ST6GAL1: variants seen among roughly 807,000 people sequenced by gnomAD.
ST6GAL1 encodes the protein beta-galactoside alpha-2,6-sialyltransferase 1.
ST6GAL1 carries 20 observed loss-of-function variants against 38.0 expected under a neutral mutation model. The observed-to-expected ratio is 0.53, with a 90% CI of 0.37 to 0.77. The LOEUF (loss-of-function observed/expected upper bound fraction) is 0.77, where lower values mean the gene tolerates loss of function less well. ST6GAL1 is among the 30% of genes least tolerant of loss of function. ST6GAL1 has a pLI of 0.00. For missense variants in ST6GAL1, 432 were observed against 496.4 expected, an observed-to-expected ratio of 0.87 and a Z score of 1.23; for synonymous variants, 196 against 188.2, an observed-to-expected ratio of 1.04 and a Z score of -0.34.
At chr3:186,990,978 T>C (rs1360272998) in intron 2 of ST6GAL1, among the ~76,000 whole-genome samples, 2 of 151,536 alleles carry the variant, frequency 1.3e-5, no homozygotes, top group Non-Finnish European at 2.9e-5. Flanking sequence ...CTGGGCCGGG[T>C]TTCACAGTAT....
rs112136993 is a variant in ST6GAL1 at position 186,946,381 on chromosome 3, CTTA to C, written c.-325+15559_-325+15561del. 2.0e-3 allele frequency among the ~76,000 whole-genome samples: 309 copies of C among 151,374 alleles called. 1 individual carries two copies. Among genetic ancestry groups the C allele is most frequent in the African/African-American group, 6.8e-3 (279 of 41,192 alleles). On this transcript the variant is annotated intron_variant, in intron 1 of 7. Coordinates refer to ENST00000169298, the MANE Select transcript of ST6GAL1 (RefSeq NM_173216.2). ...GCTATTTTATTTTACTTTTAAAAAA[CTTA>C]TTATTATTATTTTTTGAGACAGTGT...
At chr3:186,977,365 C>G (rs1715554381) in intron 2 of ST6GAL1, among the ~76,000 whole-genome samples, 1 of 152,222 alleles carries the variant, frequency 6.6e-6, no homozygotes, top group African/African-American at 2.4e-5. Flanking sequence ...TTGGCTTCCT[C>G]TGCCCTAAGC....
intron 2 of ST6GAL1, among the ~76,000 whole-genome samples, chr3:186,979,467 T>C (rs1327079294): frequency 6.6e-6 from 1 of 152,108 alleles, no homozygotes; most frequent in East Asian, 1.9e-4. Context: ...GAGGAACTCC[T>C]TGGGCAGACC....
chr3:186,985,977 C>T (rs1333250901), intron 2 of ST6GAL1, among the ~76,000 whole-genome samples: 1 of 152,008 alleles, frequency 6.6e-6, no homozygotes, highest in Non-Finnish European at 1.5e-5. Flanking sequence ...TGAAAAAGAC[C>T]CAGAGACGCC....
In ST6GAL1 at chr3:187,061,073, T is replaced by C. The variant is rs527556954; in HGVS notation, c.705+9727T>C. 2.0e-5 allele frequency among the ~76,000 whole-genome samples: 3 copies of C among 152,212 alleles called. No individual in the cohort carries two copies. The East Asian group carries it at 5.8e-4, about 29-fold the overall frequency. On this transcript the variant is annotated intron_variant, in intron 5 of 7. Transcript: ENST00000169298. The stretch of plus-strand genomic sequence containing the variant: ...TATTCATTTTTTCTATTATGTGCAA[T>C]AACAATGAATGATCTAGAAAGGAAA...
intron 2 of ST6GAL1, among the ~76,000 whole-genome samples, chr3:187,031,344 T>C (rs1286477681): frequency 6.6e-6 from 1 of 152,234 alleles, no homozygotes; most frequent in Non-Finnish European, 1.5e-5. Flanking sequence ...TTATTTATCT[T>C]CCCTGTCTCA....
Position 187,043,247 on chromosome 3 carries a change from G to A in ST6GAL1, c.544G>A (p.Gly182Ser). 1.9e-6 allele frequency: 3 copies of A among 1,614,180 alleles called. No homozygotes were observed. The highest frequency in any genetic ancestry group is 2.5e-6 in the Non-Finnish European group (3 of 1,180,032). The part of the protein sequence containing the change: ...ESIRTKAGPW[G>S]RCAVVSSAGS... ...CATTAGGACCAAGGCTGGGCCTTGG[G>A]GCAGGTGTGCTGTTGTGTCGTCAGC... Residue 182 changes from glycine (G) to serine (S), a missense_variant, in exon 4 of 8, where the codon GGC becomes AGC. Physicochemically the swap from Gly to Ser is moderately conservative, Grantham distance 56 (BLOSUM62 0). Transcript: ENST00000169298.
intron 1 of ST6GAL1, among the ~76,000 whole-genome samples, chr3:186,961,141 A>C (rs1304244527): frequency 6.6e-6 from 1 of 151,818 alleles, no homozygotes; most frequent in Non-Finnish European, 1.5e-5. Flanking sequence ...ATGCCTGGCT[A>C]ATTTTTGTGT....
chr3:187,004,635 A>T (rs957356376), intron 2 of ST6GAL1, among the ~76,000 whole-genome samples: 1 of 152,234 alleles, frequency 6.6e-6, no homozygotes, highest in Non-Finnish European at 1.5e-5. Flanking sequence ...CTTTCGTGCT[A>T]TTAAGAAAGG....
chr3:186,948,961 G>A (rs893969846), intron 1 of ST6GAL1: 2 of 152,258 alleles, frequency 1.3e-5, no homozygotes, highest in African/African-American at 4.8e-5. Context: ...CCAGCCACCA[G>A]TGAGTTGAGT....
intron 1 of ST6GAL1, among the ~76,000 whole-genome samples, chr3:186,934,706 A>G (rs1162226710): frequency 6.6e-6 from 1 of 151,998 alleles, no homozygotes; most frequent in Non-Finnish European, 1.5e-5. Flanking sequence ...GACTGGTCAG[A>G]CCTCTTGGCA....
At chr3:187,057,012 T>G (rs1009324665) in intron 5 of ST6GAL1, among the ~76,000 whole-genome samples, 1 of 152,178 alleles carries the variant, frequency 6.6e-6, no homozygotes, top group Non-Finnish European at 1.5e-5. Flanking sequence ...TTTTTACTCT[T>G]TTTTCTCTAA....
At chr3:187,049,725 G>A (rs1470496457) in intron 4 of ST6GAL1, among the ~76,000 whole-genome samples, 1 of 152,188 alleles carries the variant, frequency 6.6e-6, no homozygotes, top group Admixed American at 6.5e-5. Flanking sequence ...CTCCATTGGA[G>A]CTTCTCATCT....
chr3:187,041,349 A>C (rs1718118492), intron 3 of ST6GAL1, among the ~76,000 whole-genome samples: 1 of 151,938 alleles, frequency 6.6e-6, no homozygotes, highest in Non-Finnish European at 1.5e-5. Context: ...GGGACCTCAG[A>C]CCCCTAGTGG....
At chr3:186,931,161 T>A (rs1981766) in intron 1 of ST6GAL1, 2 of 151,646 alleles carry the variant, frequency 1.3e-5, no homozygotes, top group East Asian at 3.9e-4. Flanking sequence ...TGGGGTGGCG[T>A]GGGGGCATTG....
At chr3:186,951,630 T>C (rs940655979) in intron 1 of ST6GAL1, among the ~76,000 whole-genome samples, 1 of 152,184 alleles carries the variant, frequency 6.6e-6, no homozygotes, top group East Asian at 1.9e-4. Context: ...GATGACTGTT[T>C]CGCACCTTTT....
intron 5 of ST6GAL1, among the ~76,000 whole-genome samples, chr3:187,065,822 A>G (rs1267175753): frequency 1.3e-5 from 2 of 152,296 alleles, no homozygotes; most frequent in Non-Finnish European, 2.9e-5. Flanking sequence ...TATATATACC[A>G]TCTAAGGGTC....
Position 187,043,302 on chromosome 3 carries a change from G to A in ST6GAL1, c.599G>A (p.Arg200Lys). 6.2e-7 allele frequency: 1 copy of A among 1,613,116 alleles called. No homozygotes were observed. The change falls in exon 4 of 8, where the codon AGA (arginine) becomes AAA (lysine). Residue 200 changes from arginine (R) to lysine (K), a missense_variant. Coordinates refer to ENST00000169298, the MANE Select transcript of ST6GAL1 (RefSeq NM_173216.2). ...AGSLKSSQLG[R>K]EIDDHDAVLR... ...TCTCTGAAGTCCTCCCAACTAGGCA[G>A]AGAAATCGGTATGTTCTGGGGTTGT... is the stretch of plus-strand genomic sequence containing the variant.
intron 2 of ST6GAL1, among the ~76,000 whole-genome samples, chr3:186,982,452 T>G (rs4686826): frequency 0.48 from 72,828 of 151,956 alleles, 18,227 homozygotes; most frequent in East Asian, 0.84. Context: ...ATATGTATCT[T>G]CAACTATGGG....
Sources: allele counts gnomAD v4.1 joint callset (sites outside exome capture counted in the v4.1 genomes callset), GRCh38; gene constraint gnomAD v4.1.1; transcripts MANE v1.5; gene names NCBI Gene and HGNC (gene_info 2026-07-23, HGNC 2026-07-21).